Variants in MAP4 observed in about 807,000 individuals in gnomAD.
MAP4 encodes the protein microtubule associated protein 4, also known as microtubule-associated protein 4.
Under a neutral mutation model 170.2 loss-of-function variants are expected in MAP4, and 76 were observed. That is an observed-to-expected ratio of 0.45 (90% CI 0.37 to 0.54). The LOEUF (loss-of-function observed/expected upper bound fraction) is 0.54. MAP4 is among the 20% of genes least tolerant of loss of function. MAP4 has a pLI of 0.00. For synonymous variants in MAP4, 909 were observed against 994.5 expected, an observed-to-expected ratio of 0.91 and a Z score of 1.62; for missense variants, 2,506 against 2,748.0, an observed-to-expected ratio of 0.91 and a Z score of 1.97.
chr3:48,055,381 G>T (rs2100130488), intron 1 of MAP4, among the ~76,000 whole-genome samples: 1 of 152,120 alleles, frequency 6.6e-6, no homozygotes, highest in Non-Finnish European at 1.5e-5. Context: ...CGCCTGATTG[G>T]TTTTGGTGGA....
At chr3:48,060,762 T>A (rs553504937) in intron 1 of MAP4, among the ~76,000 whole-genome samples, 25 of 150,624 alleles carry the variant, frequency 1.7e-4, no homozygotes, top group South Asian at 4.2e-4. Context: ...AAAAAAAAAA[T>A]AATAATAATA....
intron 5 of MAP4, 149 bp from the exon 6 acceptor site, chr3:47,918,990 G>T (rs1475267497): frequency 1.8e-6 from 1 of 560,682 alleles, no homozygotes; most frequent in Non-Finnish European, 3.0e-6. Flanking sequence ...AGAGTGAAGT[G>T]GCGTGATCTC....
chr3:48,076,081 A>G (rs1452303052), intron 1 of MAP4, among the ~76,000 whole-genome samples: 1 of 151,930 alleles, frequency 6.6e-6, no homozygotes, highest in Non-Finnish European at 1.5e-5. Context: ...TAAATACAAC[A>G]GCTAAAACTA....
Position 47,870,963 on chromosome 3 carries a change from G to C in MAP4, c.6144C>G (p.Phe2048Leu). Reference sequence around the variant, plus strand: ...TGGCCGAGGTGGGCTTCTTGTCTATGAAAGGAGTTGTGGAGGGCCGGGAGG... The same window carrying C: ...TGGCCGAGGTGGGCTTCTTGTCTATCAAAGGAGTTGTGGAGGGCCGGGAGG... ...PMPSRPSTTP[F>L]IDKKPTSAKP... The change falls in exon 15 of 21, where the codon TTC becomes TTG. Residue 2048 changes from phenylalanine (F) to leucine (L), a missense_variant. Physicochemically the swap from Phe to Leu is conservative, Grantham distance 22. Around this residue, in one of 3 missense-constraint regions of MAP4, gnomAD observed 487 missense variants for 511.6 expected, o/e 0.95. Transcript: ENST00000683076. 1.2e-6 allele frequency: 2 copies of C among 1,614,166 alleles called. No individual in the cohort carries two copies. The highest frequency in any genetic ancestry group is 1.7e-6 in the Non-Finnish European group (2 of 1,179,980).
At chr3:47,975,338 A>G in intron 3 of MAP4, 1 of 1,544,492 alleles carries the variant, frequency 6.5e-7, no homozygotes, top group Non-Finnish European at 8.8e-7. Flanking sequence ...AGTTTCTTCT[A>G]CATCATGTCC....
intron 1 of MAP4, among the ~76,000 whole-genome samples, chr3:48,012,944 T>C (rs1036564469): frequency 2.1e-5 from 3 of 144,602 alleles, no homozygotes; most frequent in Admixed American, 1.4e-4. Context: ...GTAATGCTAG[T>C]GTCATCTTTC....
At chr3:47,998,411 T>C (rs1204415318) in intron 2 of MAP4, among the ~76,000 whole-genome samples, 2 of 152,170 alleles carry the variant, frequency 1.3e-5, no homozygotes, top group Non-Finnish European at 2.9e-5. Flanking sequence ...TATATGGTTG[T>C]TGAAACATTA....
chr3:47,943,770 A>G (rs2100057980), intron 3 of MAP4, among the ~76,000 whole-genome samples: 1 of 152,074 alleles, frequency 6.6e-6, no homozygotes, highest in South Asian at 2.1e-4. Context: ...CAGGAAGGAG[A>G]TAACTTTAAG....
At chr3:48,034,455 C>T (rs1484698157) in intron 1 of MAP4, among the ~76,000 whole-genome samples, 1 of 152,142 alleles carries the variant, frequency 6.6e-6, no homozygotes, top group East Asian at 1.9e-4. Context: ...GTAATCCCAG[C>T]ACTTTGGGAG....
At chr3:48,051,697 T>C (rs187423399) in intron 1 of MAP4, among the ~76,000 whole-genome samples, 7 of 152,304 alleles carry the variant, frequency 4.6e-5, no homozygotes, top group Admixed American at 4.6e-4. Flanking sequence ...ATCATGTTCA[T>C]TCAACAACTA....
intron 1 of MAP4, among the ~76,000 whole-genome samples, chr3:48,058,900 CCTCCGAGTAG>C (rs1447251844): frequency 3.4e-4 from 52 of 152,256 alleles, no homozygotes; most frequent in African/African-American, 1.2e-3. Context: ...CCTGCCTCAG[CCTCCGAGTAG>C]CTGAGATTAC....
intron 1 of MAP4, among the ~76,000 whole-genome samples, chr3:48,081,154 G>A (rs2100146478): frequency 6.6e-6 from 1 of 151,482 alleles, no homozygotes; most frequent in Admixed American, 6.6e-5. Flanking sequence ...GCCGGGAGTG[G>A]TGGCAGGCGC....
In MAP4 at chr3:47,857,419, G is replaced by C. The variant is rs760716985; in HGVS notation, c.6583+12C>G. On this transcript the variant is annotated intron_variant, in intron 18 of 20. Transcript: ENST00000683076. Reference sequence around the variant, plus strand: ...CCCTGGAGACCCAGTGGGCAAGGGAGGCACCACTCACCAGGCTTGTGCTTG... The same window carrying C: ...CCCTGGAGACCCAGTGGGCAAGGGACGCACCACTCACCAGGCTTGTGCTTG... 1 of 1,611,636 alleles carries C rather than the reference G, an allele frequency of 6.2e-7. No individual in the cohort carries two copies. Among genetic ancestry groups the C allele is most frequent in the Non-Finnish European group, 8.5e-7 (1 of 1,177,870 alleles).
Position 47,938,757 on chromosome 3 carries a change from T to A in MAP4, c.293-10407A>T, listed in dbSNP as rs1055509210. The stretch of plus-strand genomic sequence containing the variant: ...TTTGGGACAGCCCTTTCATCTCTCT[T>A]AGTCACAGTAATGACCTCTAAGGAT... On this transcript the variant is annotated intron_variant, in intron 3 of 20. Transcript: ENST00000683076. Among the ~76,000 whole-genome samples, 4 of 152,192 alleles carry A rather than the reference T, an allele frequency of 2.6e-5. No homozygotes were observed. The East Asian group carries it at 5.8e-4, about 22-fold the overall frequency.
At chr3:47,905,056 G>A (rs1407865028) in intron 9 of MAP4, among the ~76,000 whole-genome samples, 1 of 152,174 alleles carries the variant, frequency 6.6e-6, no homozygotes, top group African/African-American at 2.4e-5. Flanking sequence ...AACAAGATAT[G>A]TGAGAATTGG....
At chr3:47,891,558 C>G (rs2153053230) in intron 10 of MAP4, 2 of 1,529,504 alleles carry the variant, frequency 1.3e-6, no homozygotes, top group Non-Finnish European at 1.7e-6. Context: ...AGGTTGACAG[C>G]TGGGGGAACT....
intron 4 of MAP4, among the ~76,000 whole-genome samples, chr3:47,926,225 C>A (rs538779052): frequency 6.6e-6 from 1 of 150,608 alleles, no homozygotes; most frequent in East Asian, 2.0e-4. Context: ...GCTCTGTCAC[C>A]CAAGCTGGAG....
intron 10 of MAP4, among the ~76,000 whole-genome samples, chr3:47,884,280 T>C (rs181535676): frequency 2.0e-5 from 3 of 152,372 alleles, no homozygotes; most frequent in East Asian, 3.9e-4. Flanking sequence ...GCTGAGCCCA[T>C]TGAAGTTTTT....
At chr3:47,948,276 C>G (rs2100061429) in intron 3 of MAP4, among the ~76,000 whole-genome samples, 1 of 149,688 alleles carries the variant, frequency 6.7e-6, no homozygotes, top group Non-Finnish European at 1.5e-5. Context: ...CTCTGTTGCC[C>G]AGGATGGAGT....
Sources: gnomAD v4.1 joint callset for allele counts (sites outside exome capture counted in the v4.1 genomes callset) on GRCh38, gnomAD v4.1.1 for gene constraint, gnomAD v4.1.1 regional missense constraint, MANE v1.5 for transcripts, NCBI Gene and HGNC (gene_info 2026-07-23, HGNC 2026-07-21) for gene names.